Variants in GRXCR2 observed in about 807,000 individuals in gnomAD.
GRXCR2 encodes glutaredoxin and cysteine rich domain containing 2.
A neutral mutation model predicts 24.8 loss-of-function variants in GRXCR2; 23 were observed. The observed-to-expected ratio is 0.93, with a 90% CI of 0.67 to 1.32. The LOEUF (loss-of-function observed/expected upper bound fraction) is 1.32. Ranked by LOEUF, GRXCR2 falls within the 40% of genes most tolerant of loss-of-function variation. GRXCR2 has a pLI of 0.00. For missense variants in GRXCR2, 315 were observed against 303.4 expected, an observed-to-expected ratio of 1.04 and a Z score of -0.28; for synonymous variants, 130 against 116.1, an observed-to-expected ratio of 1.12 and a Z score of -0.77.
chr5:145,877,753 C>G (rs768261372), upstream of GRXCR2, among the ~76,000 whole-genome samples: 1 of 152,138 alleles, frequency 6.6e-6, no homozygotes, highest in African/African-American at 2.4e-5. Context: ...CAAAGCAGGG[C>G]GGGGCATTCC....
chr5:145,865,297 C>T (rs1009261839), intron 2 of GRXCR2, among the ~76,000 whole-genome samples: 2 of 152,134 alleles, frequency 1.3e-5, no homozygotes, highest in African/African-American at 2.4e-5. Flanking sequence ...AATCTTTCGG[C>T]TTAAATGCAT....
At chr5:145,890,731 A>C (rs1220254764) in intron 2 of GRXCR2, among the ~76,000 whole-genome samples, 1 of 152,142 alleles carries the variant, frequency 6.6e-6, no homozygotes, top group East Asian at 1.9e-4. Flanking sequence ...CAAAGCAGAC[A>C]ACTAACAACT....
At chr5:145,876,843 C>T (rs1248425387), upstream of GRXCR2, among the ~76,000 whole-genome samples, 5 of 152,056 alleles carry the variant, frequency 3.3e-5, no homozygotes, top group African/African-American at 4.8e-5. Flanking sequence ...ATTGATAAAT[C>T]GAAAGCAGTT....
chr5:145,923,745 C>T (rs1406317137), intron 2 of GRXCR2, among the ~76,000 whole-genome samples: 1 of 152,122 alleles, frequency 6.6e-6, no homozygotes, highest in Admixed American at 6.5e-5. Context: ...ATGAGCACTG[C>T]TTACCATCTT....
At chr5:145,890,764 C>T (rs1332948871) in intron 2 of GRXCR2, among the ~76,000 whole-genome samples, 2 of 151,258 alleles carry the variant, frequency 1.3e-5, no homozygotes, top group Non-Finnish European at 2.9e-5. Flanking sequence ...CAAAATTTCA[C>T]ATGTTAATAT....
At chr5:145,921,098 A>G (rs1757315379) in intron 2 of GRXCR2, among the ~76,000 whole-genome samples, 1 of 152,242 alleles carries the variant, frequency 6.6e-6, no homozygotes, top group South Asian at 2.1e-4. Flanking sequence ...TAAATATCTT[A>G]TCTCATTTAA....
At chr5:145,912,156 T>C (rs1295761210) in intron 2 of GRXCR2, among the ~76,000 whole-genome samples, 1 of 152,196 alleles carries the variant, frequency 6.6e-6, no homozygotes, top group East Asian at 1.9e-4. Flanking sequence ...TCCCAGGCAC[T>C]GAGTGCCAGC....
rs1473055621 is a variant in GRXCR2, at chr5:145,880,288, T to C, written c.-69-13560A>G. On this transcript the variant is annotated intron_variant, in intron 2 of 3. Transcript: ENST00000639411. The stretch of plus-strand genomic sequence containing the variant: ...TTTTCGAAAAGATCAACAAAATTGA[T>C]AGACCGCTAGCAAGACTAATAAAGA... Among the ~76,000 whole-genome samples the C allele has an allele frequency of 3.9e-5, 6 of 151,994 alleles. No homozygotes were observed. The South Asian group carries it at 6.2e-4, about 16-fold the overall frequency.
rs1263082063 is a variant in GRXCR2 at position 145,864,894 on chromosome 5, G to A, written c.564+1607C>T. 5.3e-5 allele frequency among the ~76,000 whole-genome samples: 8 copies of A among 152,162 alleles called. No homozygotes were observed. In the South Asian group the frequency reaches 1.7e-3, roughly 32 times the overall value. On this transcript the variant is annotated intron_variant, in intron 2 of 2. Transcript: ENST00000377976. ...GGGCAGGTTGGAAAGGTACCTGAAT[G>A]GATGTGAGTGGAACTTTCAGAACCT... is the stretch of plus-strand genomic sequence containing the variant.
chr5:145,892,440 G>A (rs1464185210), intron 2 of GRXCR2, among the ~76,000 whole-genome samples: 2 of 152,274 alleles, frequency 1.3e-5, no homozygotes, highest in East Asian at 3.9e-4. Context: ...GTCCTTAAAG[G>A]ACCTGATGGA....
At chr5:145,866,147 A>G (rs1561676067) in intron 2 of GRXCR2, among the ~76,000 whole-genome samples, 1 of 151,538 alleles carries the variant, frequency 6.6e-6, no homozygotes, top group South Asian at 2.1e-4. Context: ...AAAAAAAAAA[A>G]AAAAGAAAGA....
intron 2 of GRXCR2, among the ~76,000 whole-genome samples, chr5:145,914,775 A>G (rs1757213358): frequency 9.7e-6 from 1 of 102,976 alleles, no homozygotes; most frequent in Non-Finnish European, 1.8e-5. Flanking sequence ...CACCAGCAGC[A>G]GAGTGGTCAA....
intron 2 of GRXCR2, among the ~76,000 whole-genome samples, chr5:145,912,616 TGACA>T (rs1757181661): frequency 2.0e-5 from 3 of 151,402 alleles, no homozygotes; most frequent in Non-Finnish European, 4.4e-5. Flanking sequence ...CGAAGGAGAG[TGACA>T]GACAGAGCAG....
At chr5:145,862,557 T>C (rs1756357008) in intron 2 of GRXCR2, among the ~76,000 whole-genome samples, 1 of 152,198 alleles carries the variant, frequency 6.6e-6, no homozygotes, top group South Asian at 2.1e-4. Context: ...TAGTAGGATA[T>C]AGAACATAGT....
At chr5:145,889,168 CAAAAAA>C (rs534124544) in intron 2 of GRXCR2, among the ~76,000 whole-genome samples, 2,202 of 55,224 alleles carry the variant, frequency 0.04, 66 homozygotes, top group Non-Finnish European at 0.057. Flanking sequence ...GACTCTGTCT[CAAAAAA>C]AGAAAGAAAG....
intron 2 of GRXCR2, among the ~76,000 whole-genome samples, chr5:145,900,253 T>C (rs1264762430): frequency 6.6e-6 from 1 of 152,034 alleles, no homozygotes; most frequent in African/African-American, 2.4e-5. Flanking sequence ...ATCTGGTTGA[T>C]TAAAAGTGTG....
chr5:145,870,437 T>A (rs964268251), intron 1 of GRXCR2, among the ~76,000 whole-genome samples: 1 of 152,190 alleles, frequency 6.6e-6, no homozygotes, highest in African/African-American at 2.4e-5. Flanking sequence ...CTGAATAATA[T>A]TGTGTTGTAT....
At chr5:145,863,242 C>T (rs1756371423) in intron 2 of GRXCR2, among the ~76,000 whole-genome samples, 1 of 152,168 alleles carries the variant, frequency 6.6e-6, no homozygotes, top group South Asian at 2.1e-4. Context: ...AGAAGGGGCT[C>T]CTTGATGTTC....
chr5:145,896,735 A>G (rs1756955640), intron 2 of GRXCR2, among the ~76,000 whole-genome samples: 1 of 152,196 alleles, frequency 6.6e-6, no homozygotes, highest in African/African-American at 2.4e-5. Flanking sequence ...GCGATTCCTC[A>G]GGGATCTAGA....
Sources: allele counts gnomAD v4.1 joint callset (sites outside exome capture counted in the v4.1 genomes callset), GRCh38; gene constraint gnomAD v4.1.1; transcripts MANE v1.5; gene names NCBI Gene and HGNC (gene_info 2026-07-23, HGNC 2026-07-21).